Variants in STPG2 observed in about 807,000 individuals in gnomAD.
STPG2 encodes the protein sperm tail PG-rich repeat containing 2, also known as sperm-tail PG-rich repeat-containing protein 2.
Under a neutral mutation model 54.2 loss-of-function variants are expected in STPG2, and 56 were observed. The ratio of observed to expected loss-of-function variants is 1.03; its 90% CI spans 0.83 to 1.29. The LOEUF (loss-of-function observed/expected upper bound fraction) is 1.29. Ranked by LOEUF, STPG2 falls within the 50% of genes most tolerant of loss-of-function variation. The pLI, the probability that STPG2 is intolerant of heterozygous loss-of-function variation, is 0.00. For synonymous variants in STPG2, 200 were observed against 181.8 expected (o/e 1.10, Z -0.81); for missense variants, 596 against 544.9 (o/e 1.09, Z -0.93).
chr4:97,731,170 G>A (rs1724782373), intron 9 of STPG2, among the ~76,000 whole-genome samples: 1 of 152,150 alleles, frequency 6.6e-6, no homozygotes, highest in Non-Finnish European at 1.5e-5. Context: ...TTGAGATGGA[G>A]CTTTTTGTTT....
intron 4 of STPG2, among the ~76,000 whole-genome samples, chr4:97,551,022 T>C (rs751349461): frequency 1.4e-5 from 2 of 144,124 alleles, no homozygotes; most frequent in Non-Finnish European, 2.9e-5. Flanking sequence ...GGGACCCCAT[T>C]GGGTTGCCGC....
rs182870320 is a variant in STPG2 at position 97,523,747 on chromosome 4, T to C, written c.462+188952A>G. ...CCCCTGTAAGCTGAAATAACTATCT[T>C]ATTTCATCCAACAACAAATTATGGT... On this transcript the variant is annotated intron_variant, in intron 4 of 4. Transcript: ENST00000522676. Among the ~76,000 whole-genome samples the C allele has an allele frequency of 1.1e-4, 16 of 152,108 alleles. No individual in the cohort carries two copies. In the East Asian group the frequency reaches 2.7e-3, roughly 26 times the overall value.
chr4:97,673,348 A>G (rs1722751270), intron 10 of STPG2, among the ~76,000 whole-genome samples: 1 of 152,222 alleles, frequency 6.6e-6, no homozygotes, highest in East Asian at 1.9e-4. Flanking sequence ...AGCCATTAGA[A>G]CTTTAAAAAA....
At chr4:97,755,898 C>A (rs1267264437) in intron 9 of STPG2, among the ~76,000 whole-genome samples, 1 of 152,142 alleles carries the variant, frequency 6.6e-6, no homozygotes, top group Non-Finnish European at 1.5e-5. Flanking sequence ...GAAAAATTCT[C>A]TAAAGAGTTA....
chr4:97,941,552 G>A (rs1478496762), intron 8 of STPG2, among the ~76,000 whole-genome samples: 1 of 151,962 alleles, frequency 6.6e-6, no homozygotes, highest in Non-Finnish European at 1.5e-5. Context: ...TCCCTGGGAT[G>A]TTGTAAAAGA....
At chr4:97,873,899 TA>T (rs1291508160) in intron 8 of STPG2, among the ~76,000 whole-genome samples, 5 of 151,640 alleles carry the variant, frequency 3.3e-5, no homozygotes, top group Non-Finnish European at 7.4e-5. Flanking sequence ...TTTTATTTTT[TA>T]TTTTTTGAAA....
At chr4:97,776,020 C>T (rs1045761959) in intron 9 of STPG2, among the ~76,000 whole-genome samples, 1 of 152,092 alleles carries the variant, frequency 6.6e-6, no homozygotes, top group Non-Finnish European at 1.5e-5. Flanking sequence ...CCTCGGCCTC[C>T]CAAAGTGCTG....
intron 7 of STPG2, among the ~76,000 whole-genome samples, chr4:97,954,070 G>C (rs1733576478): frequency 6.6e-6 from 1 of 152,106 alleles, no homozygotes; most frequent in African/African-American, 2.4e-5. Flanking sequence ...TAGTACTTAG[G>C]AGGTAAAAGT....
downstream of STPG2, among the ~76,000 whole-genome samples, chr4:97,557,954 G>A (rs767878961): frequency 3.3e-5 from 5 of 152,170 alleles, no homozygotes; most frequent in South Asian, 2.1e-4. Context: ...ACACAAATGA[G>A]AAATCCAGAT....
chr4:98,102,762 TGGTGGTAGAA>T (rs1156740289), intron 5 of STPG2, among the ~76,000 whole-genome samples: 12 of 151,112 alleles, frequency 7.9e-5, no homozygotes, highest in Non-Finnish European at 1.6e-4. Context: ...ATCAAAGTTC[TGGTGGTAGAA>T]GGTGGTAGAG....
chr4:97,929,209 C>A (rs1400215966), intron 8 of STPG2, among the ~76,000 whole-genome samples: 1 of 152,164 alleles, frequency 6.6e-6, no homozygotes, highest in Non-Finnish European at 1.5e-5. Context: ...GGCAGGATCT[C>A]ATTTTTTTAT....
intron 9 of STPG2, among the ~76,000 whole-genome samples, chr4:97,714,448 A>G (rs545294340): frequency 6.6e-6 from 1 of 152,194 alleles, no homozygotes; most frequent in African/African-American, 2.4e-5. Flanking sequence ...AAAATAAGGG[A>G]GGACATCCAG....
chr4:97,569,652 G>A (rs1028259828), intron 10 of STPG2, among the ~76,000 whole-genome samples: 1 of 152,058 alleles, frequency 6.6e-6, no homozygotes, highest in African/African-American at 2.4e-5. Flanking sequence ...CTTCTTTATA[G>A]TAAATAGCTA....
chr4:97,779,435 T>C (rs769966737), intron 9 of STPG2, among the ~76,000 whole-genome samples: 4 of 151,028 alleles, frequency 2.6e-5, no homozygotes, highest in East Asian at 3.9e-4. Context: ...CGACTATGTA[T>C]AGACCAAATC....
At chr4:97,520,600 T>A (rs1447693751) in intron 4 of STPG2, among the ~76,000 whole-genome samples, 1 of 152,108 alleles carries the variant, frequency 6.6e-6, no homozygotes, top group Non-Finnish European at 1.5e-5. Context: ...TATAGAATCT[T>A]TTTAAGTTCC....
chr4:97,950,239 T>C (rs889157244), intron 7 of STPG2, among the ~76,000 whole-genome samples: 5 of 152,102 alleles, frequency 3.3e-5, no homozygotes, highest in African/African-American at 1.2e-4. Flanking sequence ...CACCAATTAT[T>C]ATTAGGTTTG....
At chr4:98,102,488 A>G (rs568313687) in intron 5 of STPG2, among the ~76,000 whole-genome samples, 3 of 149,906 alleles carry the variant, frequency 2.0e-5, no homozygotes, top group South Asian at 2.1e-4. Context: ...GATCTCTTTC[A>G]TCATCCATTC....
intron 8 of STPG2, among the ~76,000 whole-genome samples, chr4:97,864,749 G>A: frequency 6.6e-6 from 1 of 151,978 alleles, no homozygotes; most frequent in Middle Eastern, 3.2e-3. Flanking sequence ...CATAGATATA[G>A]ACCAATGGAA....
intron 5 of STPG2, among the ~76,000 whole-genome samples, chr4:98,022,349 A>T (rs1259023093): frequency 6.6e-6 from 1 of 151,624 alleles, no homozygotes; most frequent in Admixed American, 6.6e-5. Context: ...ATTGGCCCCC[A>T]CTCTCTTCTG....
Sources: gnomAD v4.1 joint callset for allele counts (sites outside exome capture counted in the v4.1 genomes callset) on GRCh38, gnomAD v4.1.1 for gene constraint, MANE v1.5 for transcripts, NCBI Gene and HGNC (gene_info 2026-07-23, HGNC 2026-07-21) for gene names.